NIPBL: variants seen among roughly 807,000 people sequenced by gnomAD.
NIPBL encodes nipped-B-like protein.
A neutral mutation model predicts 321.8 loss-of-function variants in NIPBL; 19 were observed. That is an observed-to-expected ratio of 0.06 (90% CI 0.04 to 0.09). The LOEUF (loss-of-function observed/expected upper bound fraction) is 0.09. Among genes scored for constraint, NIPBL ranks in the 10% least tolerant of loss-of-function variants. The pLI is 1.00. For missense variants in NIPBL, 2,210 were observed against 3,327.0 expected, an observed-to-expected ratio of 0.66 and a Z score of 8.26; for synonymous variants, 1,106 against 1,114.1, an observed-to-expected ratio of 0.99 and a Z score of 0.14.
At position 37,002,712 on chromosome 5, in the gene NIPBL, A is replaced by G; in HGVS notation, c.3715A>G (p.Asn1239Asp). The G allele has an allele frequency of 6.2e-7, 1 of 1,612,840 alleles. No individual in the cohort carries two copies. Among genetic ancestry groups the G allele is most frequent in the Non-Finnish European group, 8.5e-7 (1 of 1,179,134 alleles). ...ACTGCTCTTAGGAAAACATCAGCTT[A>G]ATGAACTTGGCAGTGAATCTGCTAA... is the stretch of plus-strand genomic sequence containing the variant. Reference protein sequence around the residue: ...QELLLGKHQLNELGSESAKIK... With the variant: ...QELLLGKHQLDELGSESAKIK... Residue 1239 changes from asparagine (N) to aspartate (D), a missense_variant, in exon 15 of 47, where the codon AAT (asparagine) becomes GAT (aspartate). Asn to Asp is a conservative substitution (Grantham distance 23). This residue lies in a region of NIPBL where 381 missense variants were observed against 642.3 expected (regional missense o/e 0.59). Transcript: ENST00000282516.
chr5:36,969,079 A>G (rs569148753), intron 6 of NIPBL, among the ~76,000 whole-genome samples: 2 of 152,354 alleles, frequency 1.3e-5, no homozygotes, highest in Non-Finnish European at 2.9e-5. Context: ...GAGCACCACA[A>G]GATACCTAGG....
At chr5:36,921,813 AG>A (rs1400319781) in intron 1 of NIPBL, among the ~76,000 whole-genome samples, 2 of 152,156 alleles carry the variant, frequency 1.3e-5, no homozygotes, top group South Asian at 2.1e-4. Context: ...AATAAAATGC[AG>A]GGGGACAAGA....
chr5:36,984,395 C>G (rs1744502714), intron 9 of NIPBL, among the ~76,000 whole-genome samples: 1 of 152,090 alleles, frequency 6.6e-6, no homozygotes, highest in South Asian at 2.1e-4. Flanking sequence ...ATTATAAGTT[C>G]TATTCATTTT....
At chr5:36,917,845 A>G in intron 1 of NIPBL, among the ~76,000 whole-genome samples, 2 of 151,818 alleles carry the variant, frequency 1.3e-5, no homozygotes, top group African/African-American at 2.4e-5. Context: ...GATGTGTGGT[A>G]TTATTTCTGA....
At chr5:37,048,419 T>A (rs1753185822) in intron 38 of NIPBL, 83 bp from the exon 39 acceptor site, 1 of 846,876 alleles carries the variant, frequency 1.2e-6, no homozygotes, top group South Asian at 2.9e-5. Context: ...AGGAGCCGTT[T>A]ATATAATTTA....
Position 36,996,788 on chromosome 5 carries a change from T to G in NIPBL, c.3304+984T>G, listed in dbSNP as rs1467127629. The G allele has an allele frequency of 4.4e-6, 1 of 226,600 alleles. No homozygotes were observed. The highest frequency in any genetic ancestry group is 8.9e-6 in the Non-Finnish European group (1 of 111,804). The allele number at this position is 226,600 out of a possible 1,614,324, so 14.0% of individuals were successfully genotyped here. A position where few individuals can be genotyped will look rare whatever the true frequency, so the allele number is the denominator to read the frequency against. On this transcript the variant is annotated intron_variant, in intron 11 of 46. Transcript: ENST00000282516. The surrounding 1 kb of genome is among the most constrained non-coding windows in gnomAD (Gnocchi z 5.0). ...ACTTTTTCCACCTAGTGTCCATAGATTGAGGTGTGACAAGCAAGGGCAGGA... is the reference window on the plus strand; with the variant it reads ...ACTTTTTCCACCTAGTGTCCATAGAGTGAGGTGTGACAAGCAAGGGCAGGA...
At chr5:36,913,327 A>G (rs1416627998) in intron 1 of NIPBL, among the ~76,000 whole-genome samples, 2 of 152,120 alleles carry the variant, frequency 1.3e-5, no homozygotes, top group South Asian at 2.1e-4. Flanking sequence ...TTTGCATTGT[A>G]AGTGCTTCTT....
chr5:37,038,709 A>G lies in NIPBL; in HGVS notation c.6079A>G (p.Met2027Val), dbSNP rs1256818239. Reference sequence around the variant, plus strand: ...GCTCATGGTTAAACATGCAATGACTATGCAACCATACCTTACCACTAAATG... The same window carrying G: ...GCTCATGGTTAAACATGCAATGACTGTGCAACCATACCTTACCACTAAATG... ...PQLMVKHAMT[M>V]QPYLTTKCST... is the part of the protein sequence containing the mutation. The change falls in exon 34 of 47, where the codon ATG becomes GTG. Residue 2027 changes from methionine (M) to valine (V), a missense_variant. This residue lies in a region of NIPBL where 73 missense variants were observed against 222.3 expected (regional missense o/e 0.33). Transcript: ENST00000282516. The G allele has an allele frequency of 2.5e-6, 4 of 1,613,620 alleles. No homozygotes were observed. Among genetic ancestry groups the G allele is most frequent in the East Asian group, 2.2e-5 (1 of 44,808 alleles).
intron 21 of NIPBL, among the ~76,000 whole-genome samples, chr5:37,013,674 A>G (rs2149686932): frequency 6.6e-6 from 1 of 150,886 alleles, no homozygotes; most frequent in South Asian, 2.1e-4. Context: ...GGCGCTCCTC[A>G]CTTCCTAGAT....
intron 19 of NIPBL, 45 bp downstream of exon 19, chr5:37,008,133 C>G (rs1487981801): frequency 2.4e-6 from 3 of 1,236,912 alleles, no homozygotes; most frequent in Non-Finnish European, 3.6e-6. Flanking sequence ...ACAAATAAAA[C>G]AATATTGATG....
chr5:36,945,284 C>T (rs1739541805), intron 1 of NIPBL, among the ~76,000 whole-genome samples: 1 of 152,118 alleles, frequency 6.6e-6, no homozygotes, highest in Non-Finnish European at 1.5e-5. Flanking sequence ...CTACAGGCCT[C>T]TGCAAATCCA....
chr5:36,885,718 G>A (rs1225193272), intron 1 of NIPBL: 4 of 590,632 alleles, frequency 6.8e-6, no homozygotes, highest in Admixed American at 4.0e-5. Context: ...AGACAGAGCT[G>A]GCCATGTGCC....
chr5:37,041,252 GTT>G (rs1163179336), intron 34 of NIPBL, among the ~76,000 whole-genome samples: 18 of 63,988 alleles, frequency 2.8e-4, no homozygotes, highest in African/African-American at 1.6e-3. Flanking sequence ...TTATGTGGTG[GTT>G]TTTTTTTTTT....
At chr5:36,964,890 A>G (rs1263163191) in intron 6 of NIPBL, among the ~76,000 whole-genome samples, 1 of 152,208 alleles carries the variant, frequency 6.6e-6, no homozygotes, top group African/African-American at 2.4e-5. Flanking sequence ...GACATTCTCA[A>G]ATGAAGACAT....
chr5:36,881,967 T>A (rs570520355), intron 1 of NIPBL, among the ~76,000 whole-genome samples: 42 of 152,098 alleles, frequency 2.8e-4, no homozygotes, highest in Non-Finnish European at 3.5e-4. Context: ...TTCATAGAAA[T>A]GTATATGACC....
intron 8 of NIPBL, among the ~76,000 whole-genome samples, chr5:36,972,321 A>G (rs1254266614): frequency 6.6e-6 from 1 of 152,112 alleles, no homozygotes; most frequent in Non-Finnish European, 1.5e-5. Flanking sequence ...TTCAAACCAC[A>G]ACGTTCTTCT....
At chr5:36,933,973 C>T (rs1749974164) in intron 1 of NIPBL, among the ~76,000 whole-genome samples, 1 of 151,938 alleles carries the variant, frequency 6.6e-6, no homozygotes, top group Non-Finnish European at 1.5e-5. Flanking sequence ...AAATGAGGTT[C>T]TCTTTCTAAT....
intron 9 of NIPBL, 115 bp downstream of exon 9, chr5:36,976,517 C>A: frequency 1.0e-6 from 1 of 989,068 alleles, no homozygotes; most frequent in Non-Finnish European, 1.5e-6. Flanking sequence ...TATGTCTACT[C>A]AAGTACATAT....
intron 1 of NIPBL, among the ~76,000 whole-genome samples, chr5:36,950,421 A>G (rs1055176554): frequency 6.6e-5 from 10 of 152,032 alleles, no homozygotes; most frequent in African/African-American, 2.2e-4. Context: ...GAGGTGGGCT[A>G]CTTTCCTCAC....
Sources: allele counts gnomAD v4.1 joint callset (sites outside exome capture counted in the v4.1 genomes callset), GRCh38; gene constraint gnomAD v4.1.1; regional missense constraint gnomAD v4.1.1; non-coding constraint Gnocchi (gnomAD v3.1); transcripts MANE v1.5; gene names NCBI Gene and HGNC (gene_info 2026-07-23, HGNC 2026-07-21).